GRIA1: variants seen among roughly 807,000 people sequenced by gnomAD.
The protein encoded by GRIA1 is glutamate receptor 1.
In GRIA1, 31 loss-of-function variants were observed where a neutral mutation model predicts 99.2. The ratio of observed to expected loss-of-function variants is 0.31; its 90% CI spans 0.23 to 0.42. The LOEUF is 0.42. GRIA1 is among the 10% of genes least tolerant of loss of function. GRIA1 has a pLI of 1.00. For missense variants in GRIA1, 782 were observed against 1,157.5 expected (o/e 0.68, Z 4.71); for synonymous variants, 438 against 432.4 (o/e 1.01, Z -0.16).
At chr5:153,666,820 T>C (rs1002871493) in intron 5 of GRIA1, among the ~76,000 whole-genome samples, 2 of 152,236 alleles carry the variant, frequency 1.3e-5, no homozygotes, top group Admixed American at 6.5e-5. Flanking sequence ...ATTATTGTTT[T>C]AGCCAAAGTC....
intron 11 of GRIA1, among the ~76,000 whole-genome samples, chr5:153,723,531 C>T (rs1481339924): frequency 1.3e-5 from 2 of 152,230 alleles, no homozygotes; most frequent in African/African-American, 2.4e-5. Context: ...AATCAGGTCA[C>T]TCCCGCCCTA....
chr5:153,634,355 T>C (rs1561712375), intron 2 of GRIA1, among the ~76,000 whole-genome samples: 1 of 150,450 alleles, frequency 6.6e-6, no homozygotes, highest in Non-Finnish European at 1.5e-5. Flanking sequence ...AGGATGAGTA[T>C]TTTAGAGAAG....
At chr5:153,758,680 A>C (rs1333022759) in intron 11 of GRIA1, among the ~76,000 whole-genome samples, 1 of 151,946 alleles carries the variant, frequency 6.6e-6, no homozygotes, top group Non-Finnish European at 1.5e-5. Flanking sequence ...GAAACACCAG[A>C]CTAGTTGTTT....
At chr5:153,750,677 A>G (rs1465975184) in intron 11 of GRIA1, among the ~76,000 whole-genome samples, 3 of 152,196 alleles carry the variant, frequency 2.0e-5, no homozygotes, top group East Asian at 3.9e-4. Context: ...CACTGTGTGC[A>G]TACCTCCATC....
rs1581699645 is a variant in GRIA1 at position 153,813,615 on chromosome 5, G to A, written c.*2390G>A. On this transcript the variant is annotated 3_prime_UTR_variant, in exon 16 of 16. Coordinates refer to ENST00000285900, the MANE Select transcript of GRIA1 (RefSeq NM_000827.4). ...CATTGGGAAAACTCTGAAAGAGACT[G>A]ACATTTTTCTCAACAGGAATCCATA... 6.6e-6 allele frequency: 1 copy of A among 152,212 alleles called. No homozygotes were observed. The highest frequency in any genetic ancestry group is 2.4e-5 in the African/African-American group (1 of 41,462). The allele number at this position is 152,212 out of a possible 1,614,324, so 9.4% of individuals were successfully genotyped here. A position where few individuals can be genotyped will look rare whatever the true frequency, so the allele number is the denominator to read the frequency against.
intron 2 of GRIA1, among the ~76,000 whole-genome samples, chr5:153,584,654 C>G (rs1029984502): frequency 6.6e-6 from 1 of 152,208 alleles, no homozygotes; most frequent in Non-Finnish European, 1.5e-5. Flanking sequence ...ATATTTTTCT[C>G]TCTCTCCTTT....
intron 2 of GRIA1, among the ~76,000 whole-genome samples, chr5:153,603,776 C>G (rs12513963): frequency 1.3e-5 from 2 of 152,068 alleles, no homozygotes; most frequent in Non-Finnish European, 2.9e-5. Context: ...CAGTTGCCAC[C>G]GCCTAGCTAC....
chr5:153,735,370 C>T (rs1004237534), intron 11 of GRIA1, among the ~76,000 whole-genome samples: 3 of 152,116 alleles, frequency 2.0e-5, no homozygotes, highest in Admixed American at 6.5e-5. Flanking sequence ...AGGGGGTCCA[C>T]GTGAGAGAGT....
intron 2 of GRIA1, among the ~76,000 whole-genome samples, chr5:153,501,481 A>G (rs1554090237): frequency 1.3e-5 from 2 of 152,166 alleles, no homozygotes; most frequent in Non-Finnish European, 2.9e-5. Context: ...TCCTGGGCAG[A>G]GGCCTGGCCA....
intron 11 of GRIA1, among the ~76,000 whole-genome samples, chr5:153,747,318 T>G (rs1043269991): frequency 4.6e-5 from 7 of 152,122 alleles, no homozygotes; most frequent in African/African-American, 1.7e-4. Context: ...TTGCATGAAC[T>G]GATGGAGCAA....
At chr5:153,652,606 G>C (rs1754656353) in intron 4 of GRIA1, among the ~76,000 whole-genome samples, 1 of 152,148 alleles carries the variant, frequency 6.6e-6, no homozygotes. Flanking sequence ...CTCTCTCAAA[G>C]GGCAAACTTG....
At chr5:153,707,074 A>C (rs1450509798) in intron 11 of GRIA1, among the ~76,000 whole-genome samples, 1 of 152,144 alleles carries the variant, frequency 6.6e-6, no homozygotes, top group Non-Finnish European at 1.5e-5. Context: ...AGGCAAGATC[A>C]TGCCACTGCA....
intron 2 of GRIA1, among the ~76,000 whole-genome samples, chr5:153,553,951 T>C (rs1364916415): frequency 6.6e-6 from 1 of 152,154 alleles, no homozygotes; most frequent in Admixed American, 6.5e-5. Flanking sequence ...CCTACTGTAA[T>C]AAATGGGGTG....
At chr5:153,765,624 G>C (rs4254956) in intron 12 of GRIA1, among the ~76,000 whole-genome samples, 90,906 of 152,020 alleles carry the variant, frequency 0.6, 27,931 homozygotes, top group East Asian at 0.94. Flanking sequence ...GACAGACACC[G>C]AGAAGCAGGA....
intron 2 of GRIA1, among the ~76,000 whole-genome samples, chr5:153,548,774 G>A (rs1030081632): frequency 6.6e-6 from 1 of 152,082 alleles, no homozygotes; most frequent in African/African-American, 2.4e-5. Context: ...TTATTATGTT[G>A]CTATATGTCC....
At chr5:153,707,018 T>C (rs1457541725) in intron 11 of GRIA1, among the ~76,000 whole-genome samples, 1 of 151,426 alleles carries the variant, frequency 6.6e-6, no homozygotes, top group African/African-American at 2.4e-5. Context: ...TTTCAGGAGG[T>C]TGAGGTAGGA....
chr5:153,602,747 A>T (rs1330924850), intron 2 of GRIA1, among the ~76,000 whole-genome samples: 3 of 152,230 alleles, frequency 2.0e-5, no homozygotes, highest in African/African-American at 7.2e-5. Context: ...CATCTCTACG[A>T]TGGAGGAAGG....
intron 2 of GRIA1, among the ~76,000 whole-genome samples, chr5:153,593,291 T>C (rs1764137847): frequency 6.6e-6 from 1 of 151,898 alleles, no homozygotes; most frequent in South Asian, 2.1e-4. Flanking sequence ...TAATAATAAA[T>C]CTGATTACCC....
At chr5:153,493,145 C>A (rs1561581933) in intron 1 of GRIA1, among the ~76,000 whole-genome samples, 1 of 152,176 alleles carries the variant, frequency 6.6e-6, no homozygotes, top group African/African-American at 2.4e-5. Context: ...CTTTACTATA[C>A]CTTTTACTAG....
Sources: gnomAD v4.1 joint callset for allele counts (sites outside exome capture counted in the v4.1 genomes callset) on GRCh38, gnomAD v4.1.1 for gene constraint, MANE v1.5 for transcripts, NCBI Gene and HGNC (gene_info 2026-07-23, HGNC 2026-07-21) for gene names.